Variants in ANKS1B observed in about 807,000 individuals in gnomAD.
The protein encoded by ANKS1B is ankyrin repeat and sterile alpha motif domain containing 1B, also known as ankyrin repeat and sterile alpha motif domain-containing protein 1B.
Under a neutral mutation model 148.3 loss-of-function variants are expected in ANKS1B, and 36 were observed. That is an observed-to-expected ratio of 0.24 (90% CI 0.19 to 0.32). The LOEUF (loss-of-function observed/expected upper bound fraction) is 0.32. Among genes scored for constraint, ANKS1B ranks in the 10% least tolerant of loss-of-function variants. The probability of loss-of-function intolerance (pLI) is 1.00; values close to 1 mark genes in which losing one functional copy is unlikely to be tolerated. For synonymous variants in ANKS1B, 542 were observed against 560.8 expected, an observed-to-expected ratio of 0.97 and a Z score of 0.47; for missense variants, 1,157 against 1,542.6, an observed-to-expected ratio of 0.75 and a Z score of 4.19.
At chr12:99,519,833 A>G (rs2096857591) in intron 9 of ANKS1B, among the ~76,000 whole-genome samples, 1 of 151,852 alleles carries the variant, frequency 6.6e-6, no homozygotes, top group Non-Finnish European at 1.5e-5. Context: ...CATTGTATGT[A>G]TTTTGATTTG....
At chr12:99,619,194 C>G (rs1289550439) in intron 9 of ANKS1B, among the ~76,000 whole-genome samples, 5 of 151,944 alleles carry the variant, frequency 3.3e-5, no homozygotes, top group African/African-American at 1.2e-4. Flanking sequence ...GCCACCCCAC[C>G]CTTCATGAGT....
At chr12:99,919,882 G>T (rs1397383012) in intron 1 of ANKS1B, among the ~76,000 whole-genome samples, 1 of 151,424 alleles carries the variant, frequency 6.6e-6, no homozygotes, top group Non-Finnish European at 1.5e-5. Context: ...ATAATATTTG[G>T]ATTTATTGTG....
intron 1 of ANKS1B, among the ~76,000 whole-genome samples, chr12:99,940,165 C>T (rs980427933): frequency 3.3e-5 from 5 of 152,108 alleles, no homozygotes; most frequent in Non-Finnish European, 7.4e-5. Flanking sequence ...CTTGATTATA[C>T]GCCCAGAGAT....
At chr12:99,513,000 C>T (rs920579029) in intron 9 of ANKS1B, among the ~76,000 whole-genome samples, 2 of 151,528 alleles carry the variant, frequency 1.3e-5, no homozygotes, top group African/African-American at 2.4e-5. Context: ...CCATGGCACA[C>T]GTTTACCTAA....
intron 12 of ANKS1B, among the ~76,000 whole-genome samples, chr12:99,355,146 C>A (rs1385439004): frequency 1.3e-5 from 2 of 152,044 alleles, no homozygotes; most frequent in Non-Finnish European, 2.9e-5. Flanking sequence ...TTGTAAATAA[C>A]CATTTCTTTG....
intron 17 of ANKS1B, among the ~76,000 whole-genome samples, chr12:99,044,414 G>A (rs1389472344): frequency 8.0e-5 from 12 of 149,662 alleles, no homozygotes; most frequent in Non-Finnish European, 1.3e-4. Flanking sequence ...GTCCAGGAGC[G>A]GAAAGACTTT....
chr12:99,772,368 A>G lies in ANKS1B; in HGVS notation c.1128+554T>C, dbSNP rs1037693965. Among the ~76,000 whole-genome samples the G allele has an allele frequency of 2.0e-5, 3 of 152,258 alleles. No individual in the cohort carries two copies. In the East Asian group the frequency reaches 5.8e-4, roughly 29 times the overall value. On this transcript the variant is annotated intron_variant, in intron 8 of 26. Transcript: ENST00000683438. ...TTTTATATGGCAATATTTTCAAAGA[A>G]CACTATCATAAAGGCGTTGTCACAG... is the stretch of plus-strand genomic sequence containing the variant.
intron 11 of ANKS1B, among the ~76,000 whole-genome samples, chr12:99,426,383 CA>C (rs1161683837): frequency 6.6e-6 from 1 of 151,846 alleles, no homozygotes; most frequent in Non-Finnish European, 1.5e-5. Flanking sequence ...TTCTGATATT[CA>C]AAAAATATTT....
intron 9 of ANKS1B, among the ~76,000 whole-genome samples, chr12:99,584,771 C>G (rs909188553): frequency 3.3e-5 from 5 of 152,122 alleles, no homozygotes; most frequent in Admixed American, 3.3e-4. Flanking sequence ...GGCAACAGAA[C>G]ATGAGCAGGG....
At position 98,965,105 on chromosome 12, in the gene ANKS1B, T is replaced by TA. The variant is rs938703288; in HGVS notation, c.2778+88051dup. 7.5e-3 allele frequency among the ~76,000 whole-genome samples: 1,091 copies of TA among 146,324 alleles called. 18 individuals are homozygous for TA. Among genetic ancestry groups the TA allele is most frequent in the African/African-American group, 0.026 (1,019 of 39,920 alleles). On this transcript the variant is annotated intron_variant, in intron 17 of 26. Coordinates refer to ENST00000683438, the MANE Select transcript of ANKS1B (RefSeq NM_001352186.2). ...TACACCTACTACATACCTACAAAAA[T>TA]AAAAAAAAAACCCCTGGACTCTGGA...
At chr12:99,904,896 A>T (rs2093725927) in intron 1 of ANKS1B, among the ~76,000 whole-genome samples, 1 of 152,186 alleles carries the variant, frequency 6.6e-6, no homozygotes, top group African/African-American at 2.4e-5. Context: ...CCTCTGTTGT[A>T]TTTACTGAAG....
chr12:99,627,497 A>G (rs1008340346), intron 9 of ANKS1B, among the ~76,000 whole-genome samples: 2 of 152,208 alleles, frequency 1.3e-5, no homozygotes, highest in African/African-American at 4.8e-5. Flanking sequence ...GAAATTGAGC[A>G]TATTGTTAAT....
At chr12:99,512,498 C>G (rs574399981) in intron 9 of ANKS1B, among the ~76,000 whole-genome samples, 8 of 152,130 alleles carry the variant, frequency 5.3e-5, no homozygotes, top group African/African-American at 1.9e-4. Flanking sequence ...TGTGGTGATT[C>G]CTCAAAGATC....
chr12:99,489,590 C>T (rs1261624442), intron 10 of ANKS1B, among the ~76,000 whole-genome samples: 4 of 152,144 alleles, frequency 2.6e-5, no homozygotes, highest in African/African-American at 9.7e-5. Context: ...AGGTATGCCA[C>T]CGTATCTCAA....
chr12:99,378,863 G>A (rs1397084712), intron 12 of ANKS1B, among the ~76,000 whole-genome samples: 2 of 152,190 alleles, frequency 1.3e-5, no homozygotes, highest in African/African-American at 4.8e-5. Context: ...CCAACTCTCA[G>A]AGAGTAGAAC....
At chr12:99,232,462 T>G (rs2087036048) in intron 14 of ANKS1B, among the ~76,000 whole-genome samples, 1 of 152,208 alleles carries the variant, frequency 6.6e-6, no homozygotes, top group African/African-American at 2.4e-5. Context: ...TCTGTCACCC[T>G]TGTATTGTGA....
At chr12:99,410,770 G>T (rs147058323) in intron 11 of ANKS1B, among the ~76,000 whole-genome samples, 9 of 152,364 alleles carry the variant, frequency 5.9e-5, no homozygotes, top group African/African-American at 1.9e-4. Context: ...CAGGGAACCA[G>T]TGCAACATAA....
At chr12:99,069,288 C>A (rs2045552783) in intron 16 of ANKS1B, among the ~76,000 whole-genome samples, 1 of 152,138 alleles carries the variant, frequency 6.6e-6, no homozygotes, top group South Asian at 2.1e-4. Flanking sequence ...GAAAAGTGAT[C>A]TGGCTGAAGT....
chr12:99,017,010 T>G (rs1010479571), intron 17 of ANKS1B, among the ~76,000 whole-genome samples: 14 of 152,030 alleles, frequency 9.2e-5, no homozygotes, highest in African/African-American at 2.2e-4. Flanking sequence ...GTTGAAGGGG[T>G]TGTGGGCAAT....
Sources: gnomAD v4.1 joint callset for allele counts (sites outside exome capture counted in the v4.1 genomes callset) on GRCh38, gnomAD v4.1.1 for gene constraint, MANE v1.5 for transcripts, NCBI Gene and HGNC (gene_info 2026-07-23, HGNC 2026-07-21) for gene names.